ADAM18: variants seen among roughly 807,000 people sequenced by gnomAD.
ADAM18 encodes the protein disintegrin and metalloproteinase domain-containing protein 18.
Under a neutral mutation model 94.4 loss-of-function variants are expected in ADAM18, and 117 were observed. The ratio of observed to expected loss-of-function variants is 1.24; its 90% CI spans 1.07 to 1.45. ADAM18 has a LOEUF of 1.45. Among genes scored for constraint, ADAM18 ranks in the 40% most tolerant of loss-of-function variants. The probability of loss-of-function intolerance (pLI) is 0.00; values close to 1 mark genes in which losing one functional copy is unlikely to be tolerated. For missense variants in ADAM18, 936 were observed against 880.0 expected (o/e 1.06, Z -0.81); for synonymous variants, 327 against 291.6 (o/e 1.12, Z -1.24).
intron 16 of ADAM18, among the ~76,000 whole-genome samples, chr8:39,688,578 T>C (rs1821676560): frequency 6.6e-6 from 1 of 152,192 alleles, no homozygotes; most frequent in South Asian, 2.1e-4. Flanking sequence ...TTTTTTTATG[T>C]CTGCATAGTA....
intron 16 of ADAM18, among the ~76,000 whole-genome samples, chr8:39,687,884 T>C (rs971452797): frequency 3.9e-5 from 6 of 152,224 alleles, no homozygotes; most frequent in African/African-American, 1.4e-4. Context: ...AATGGGCGTC[T>C]TCATTGATTC....
chr8:39,706,708 T>A, intron 17 of ADAM18, 82 bp from the exon 18 acceptor site: 1 of 581,926 alleles, frequency 1.7e-6, no homozygotes, highest in Non-Finnish European at 3.0e-6. Context: ...TGAAATTTAG[T>A]TATTTATATC....
chr8:39,637,040 T>C (rs59053399), intron 7 of ADAM18, among the ~76,000 whole-genome samples: 17,574 of 140,444 alleles, frequency 0.13, 1,459 homozygotes, highest in African/African-American at 0.15. Context: ...TATATATATA[T>C]ATATATATAT....
chr8:39,674,037 T>C (rs1247785129), intron 14 of ADAM18, among the ~76,000 whole-genome samples: 1 of 152,226 alleles, frequency 6.6e-6, no homozygotes, highest in Non-Finnish European at 1.5e-5. Flanking sequence ...AGTGCTTTAC[T>C]TCCAATTTTG....
rs2129579598 is a variant in ADAM18 at position 39,648,469 on chromosome 8, CA to C, written c.1173del (p.Val392CysfsTer34). 1 of 1,612,826 alleles carries C rather than the reference CA, an allele frequency of 6.2e-7. No homozygotes were observed. The highest frequency in any genetic ancestry group is 1.1e-5 in the South Asian group (1 of 90,874). On this transcript the variant is annotated frameshift_variant, in exon 12 of 20. Transcript: ENST00000265707. LOFTEE classifies it high-confidence loss of function. Reference protein sequence around the residue: ...SNLQPLHQNQPVCGNGILESN... With the variant: ...SNLQPLHQNQXVCGNGILESN... ...TTGCAACCATTACATCAAAATCAAC[CA>C]GTGTGTGGTAATGGGATTTTGGAAT...
chr8:39,651,229 G>T (rs1205110920), intron 12 of ADAM18, among the ~76,000 whole-genome samples: 1 of 152,182 alleles, frequency 6.6e-6, no homozygotes, highest in Non-Finnish European at 1.5e-5. Flanking sequence ...ATACAATCGG[G>T]TTTTACACCA....
chr8:39,710,067 A>G (rs1346091644), intron 18 of ADAM18, among the ~76,000 whole-genome samples: 1 of 152,216 alleles, frequency 6.6e-6, no homozygotes, highest in African/African-American at 2.4e-5. Flanking sequence ...TTGTTTAGCT[A>G]ATCAAAGTAA....
At chr8:39,678,506 T>C (rs1821355519) in intron 15 of ADAM18, among the ~76,000 whole-genome samples, 1 of 152,118 alleles carries the variant, frequency 6.6e-6, no homozygotes. Context: ...AAAGTACTGA[T>C]GAGTGGGGAT....
chr8:39,636,853 T>C (rs989657883), intron 7 of ADAM18, among the ~76,000 whole-genome samples: 9 of 151,574 alleles, frequency 5.9e-5, no homozygotes, highest in African/African-American at 2.2e-4. Flanking sequence ...TGAATATATT[T>C]GTTTTGTTTT....
chr8:39,636,704 G>T (rs1268650587), intron 7 of ADAM18, among the ~76,000 whole-genome samples: 1 of 151,520 alleles, frequency 6.6e-6, no homozygotes, highest in Non-Finnish European at 1.5e-5. Flanking sequence ...TGTAGTTCTC[G>T]CTTTGTACAT....
chr8:39,634,997 G>C (rs1298956558), intron 7 of ADAM18, among the ~76,000 whole-genome samples: 12 of 152,086 alleles, frequency 7.9e-5, no homozygotes, highest in Non-Finnish European at 1.6e-4. Flanking sequence ...TGGTATTAAG[G>C]AATGGGACCA....
intron 3 of ADAM18, among the ~76,000 whole-genome samples, chr8:39,607,765 T>C (rs1394276557): frequency 6.6e-6 from 1 of 151,194 alleles, no homozygotes; most frequent in East Asian, 1.9e-4. Flanking sequence ...TAATTCTTTC[T>C]CATCTCTCGA....
At chr8:39,656,484 T>A (rs1012450716) in intron 12 of ADAM18, among the ~76,000 whole-genome samples, 9 of 152,118 alleles carry the variant, frequency 5.9e-5, no homozygotes, top group African/African-American at 2.2e-4. Flanking sequence ...ATTTCAGATA[T>A]ATTGTTGATA....
intron 6 of ADAM18, among the ~76,000 whole-genome samples, chr8:39,616,065 ATG>A (rs1819429233): frequency 6.6e-6 from 1 of 152,178 alleles, no homozygotes; most frequent in African/African-American, 2.4e-5. Flanking sequence ...ACAGAAACAA[ATG>A]GGGAAAATAT....
intron 10 of ADAM18, among the ~76,000 whole-genome samples, chr8:39,641,187 G>A (rs2129579396): frequency 6.6e-6 from 1 of 152,142 alleles, no homozygotes; most frequent in Middle Eastern, 3.4e-3. Flanking sequence ...TGTATATGGT[G>A]TAAGGAAGGG....
intron 5 of ADAM18, among the ~76,000 whole-genome samples, 197 bp downstream of exon 5, chr8:39,609,758 G>C (rs558576004): frequency 4.5e-4 from 68 of 152,132 alleles, no homozygotes; most frequent in African/African-American, 1.5e-3. Context: ...ATCAATCCAG[G>C]GTTATCGTGG....
intron 2 of ADAM18, among the ~76,000 whole-genome samples, chr8:39,586,052 A>G (rs1272506418): frequency 1.3e-5 from 2 of 152,158 alleles, no homozygotes; most frequent in Non-Finnish European, 2.9e-5. Flanking sequence ...ATATATGTCA[A>G]CTCTGAAAAT....
intron 10 of ADAM18, among the ~76,000 whole-genome samples, chr8:39,640,328 G>T (rs1189988609): frequency 6.6e-6 from 1 of 151,990 alleles, no homozygotes; most frequent in Non-Finnish European, 1.5e-5. Flanking sequence ...ATGGCTTCCA[G>T]CTCCATCGAT....
chr8:39,695,141 T>C (rs140491876), intron 17 of ADAM18, among the ~76,000 whole-genome samples: 15 of 151,618 alleles, frequency 9.9e-5, no homozygotes, highest in African/African-American at 3.6e-4. Flanking sequence ...TAAAGGACAA[T>C]GTGGGTTTTT....
Sources: gnomAD v4.1 joint callset for allele counts (sites outside exome capture counted in the v4.1 genomes callset) on GRCh38, gnomAD v4.1.1 for gene constraint, MANE v1.5 for transcripts, NCBI Gene and HGNC (gene_info 2026-07-23, HGNC 2026-07-21) for gene names.